The following TSPAN5 variants were observed in gnomAD, a reference collection of about 807,000 sequenced individuals.
The protein encoded by TSPAN5 is tetraspanin 5.
In TSPAN5, 10 loss-of-function variants were observed where a neutral mutation model predicts 37.1. The ratio of observed to expected loss-of-function variants is 0.27; its 90% CI spans 0.17 to 0.46. The LOEUF is 0.46. Ranked by LOEUF, TSPAN5 falls within the 20% of genes least tolerant of loss-of-function variation. The pLI, the probability that TSPAN5 is intolerant of heterozygous loss-of-function variation, is 1.00. For synonymous variants in TSPAN5, 110 were observed against 118.9 expected, an observed-to-expected ratio of 0.93 and a Z score of 0.48; for missense variants, 195 against 326.6, an observed-to-expected ratio of 0.60 and a Z score of 3.11.
At chr4:98,644,342 A>G (rs1333724580) in intron 1 of TSPAN5, among the ~76,000 whole-genome samples, 2 of 152,186 alleles carry the variant, frequency 1.3e-5, no homozygotes, top group Non-Finnish European at 2.9e-5. Context: ...CTGAAACTCT[A>G]AAATATTTTT....
chr4:98,655,770 A>G (rs1485092645), intron 1 of TSPAN5, among the ~76,000 whole-genome samples: 1 of 152,196 alleles, frequency 6.6e-6, no homozygotes, highest in African/African-American at 2.4e-5. Context: ...TTCAGTCACT[A>G]ACATCTTAGT....
chr4:98,580,795 T>C (rs904353933), intron 1 of TSPAN5, among the ~76,000 whole-genome samples: 5 of 152,156 alleles, frequency 3.3e-5, no homozygotes, highest in Non-Finnish European at 5.9e-5. Context: ...TGTCAGCCAA[T>C]TGGAGACCCG....
At chr4:98,532,533 T>C (rs976331011) in intron 1 of TSPAN5, among the ~76,000 whole-genome samples, 4 of 152,334 alleles carry the variant, frequency 2.6e-5, no homozygotes, top group African/African-American at 9.6e-5. Context: ...TTTTTGTACA[T>C]TGATTTTGTA....
chr4:98,532,295 G>C (rs1255735244), intron 1 of TSPAN5, among the ~76,000 whole-genome samples: 6 of 152,112 alleles, frequency 3.9e-5, no homozygotes, highest in African/African-American at 1.2e-4. Context: ...TGGCCATTTT[G>C]ACAATATTGA....
At chr4:98,613,516 G>C (rs1312171401) in intron 1 of TSPAN5, among the ~76,000 whole-genome samples, 1 of 152,148 alleles carries the variant, frequency 6.6e-6, no homozygotes, top group East Asian at 1.9e-4. Context: ...CCATAATCCT[G>C]TGCTCTCTAA....
chr4:98,595,655 C>T lies in TSPAN5; in HGVS notation c.81+62491G>A, dbSNP rs1755746288. ...GTGGTGTCTTTGCTCTCGTTGGTTT[C>T]GAAGAACATCTTTATTTCTGCCTTC... On this transcript the variant is annotated intron_variant, in intron 1 of 7. Transcript: ENST00000305798. 1.5e-5 allele frequency among the ~76,000 whole-genome samples: 2 copies of T among 133,666 alleles called. 1 individual carries two copies. The highest frequency in any genetic ancestry group is 4.7e-4 in the South Asian group (2 of 4,260). 87.7% of individuals were successfully genotyped at this position (133,666 alleles called of 152,430 possible).
At chr4:98,497,567 T>C (rs1370573457) in intron 2 of TSPAN5, among the ~76,000 whole-genome samples, 2 of 152,158 alleles carry the variant, frequency 1.3e-5, no homozygotes, top group African/African-American at 4.8e-5. Flanking sequence ...ATGGTGCCCC[T>C]AAACTCAAGT....
At chr4:98,590,493 G>C (rs948140561) in intron 1 of TSPAN5, among the ~76,000 whole-genome samples, 1 of 151,996 alleles carries the variant, frequency 6.6e-6, no homozygotes, top group African/African-American at 2.4e-5. Flanking sequence ...GGCAGATCAC[G>C]AGGTCAGGAG....
intron 1 of TSPAN5, among the ~76,000 whole-genome samples, chr4:98,521,567 T>G (rs1269941282): frequency 1.3e-5 from 2 of 152,228 alleles, no homozygotes; most frequent in African/African-American, 4.8e-5. Context: ...TGTGACACTG[T>G]GGCAGGATAA....
intron 1 of TSPAN5, among the ~76,000 whole-genome samples, chr4:98,624,217 CAGA>C (rs1756541078): frequency 6.6e-6 from 1 of 151,638 alleles, no homozygotes; most frequent in African/African-American, 2.4e-5. Flanking sequence ...AGTTCAGGGG[CAGA>C]AGATCCAAAT....
At chr4:98,620,478 C>T (rs1756456530) in intron 1 of TSPAN5, among the ~76,000 whole-genome samples, 1 of 152,196 alleles carries the variant, frequency 6.6e-6, no homozygotes, top group South Asian at 2.1e-4. Flanking sequence ...CTATTCCTGA[C>T]CTGCAGAGTC....
intron 5 of TSPAN5, 66 bp downstream of exon 5, chr4:98,478,619 C>T (rs1355196100): frequency 3.1e-6 from 5 of 1,602,772 alleles, no homozygotes; most frequent in Non-Finnish European, 3.4e-6. Flanking sequence ...AATCACTCTG[C>T]TCGTCCCATG....
At chr4:98,572,544 C>T (rs955421297) in intron 1 of TSPAN5, among the ~76,000 whole-genome samples, 1 of 152,188 alleles carries the variant, frequency 6.6e-6, no homozygotes, top group African/African-American at 2.4e-5. Context: ...ACTATAAAGC[C>T]TACTACGTCT....
intron 1 of TSPAN5, among the ~76,000 whole-genome samples, chr4:98,655,069 T>A (rs1757267339): frequency 6.6e-6 from 1 of 152,336 alleles, no homozygotes; most frequent in Admixed American, 6.5e-5. Context: ...ATGGTCTTGA[T>A]TTCCTGAACT....
intron 2 of TSPAN5, among the ~76,000 whole-genome samples, chr4:98,489,875 C>T (rs1578941638): frequency 6.6e-6 from 1 of 152,100 alleles, no homozygotes; most frequent in Non-Finnish European, 1.5e-5. Flanking sequence ...GGAAGCGGCC[C>T]GCCACCATCT....
intron 1 of TSPAN5, among the ~76,000 whole-genome samples, chr4:98,615,316 T>C (rs1358977919): frequency 1.3e-5 from 2 of 152,164 alleles, no homozygotes; most frequent in South Asian, 2.1e-4. Context: ...TCAGGGACAA[T>C]GACAATACAG....
At chr4:98,611,152 A>T (rs1264674096) in intron 1 of TSPAN5, among the ~76,000 whole-genome samples, 3 of 152,216 alleles carry the variant, frequency 2.0e-5, no homozygotes, top group South Asian at 2.1e-4. Flanking sequence ...ATCTGAGGAC[A>T]CACTGTACTA....
intron 1 of TSPAN5, among the ~76,000 whole-genome samples, chr4:98,544,919 A>C (rs1754434566): frequency 6.6e-6 from 1 of 152,190 alleles, no homozygotes; most frequent in Non-Finnish European, 1.5e-5. Flanking sequence ...GGATGGTGGA[A>C]GTGTGTGATG....
At chr4:98,601,176 C>T (rs542772113) in intron 1 of TSPAN5, among the ~76,000 whole-genome samples, 8 of 152,306 alleles carry the variant, frequency 5.3e-5, no homozygotes, top group African/African-American at 1.9e-4. Context: ...CAGCATCATT[C>T]TTAAAGGCCC....
Sources: allele counts gnomAD v4.1 joint callset (sites outside exome capture counted in the v4.1 genomes callset), GRCh38; gene constraint gnomAD v4.1.1; transcripts MANE v1.5; gene names NCBI Gene and HGNC (gene_info 2026-07-23, HGNC 2026-07-21).